Variants in TENM1 observed in about 807,000 individuals in gnomAD.
TENM1 encodes teneurin transmembrane protein 1, also known as teneurin-1.
A neutral mutation model predicts 174.8 loss-of-function variants in TENM1; 35 were observed. That is an observed-to-expected ratio of 0.20 (90% confidence interval 0.15 to 0.27). The LOEUF is 0.27. TENM1 is among the 10% of genes least tolerant of loss of function. The probability of loss-of-function intolerance (pLI) is 1.00; values close to 1 mark genes in which losing one functional copy is unlikely to be tolerated. For missense variants in TENM1, 1,633 were observed against 2,130.1 expected (o/e 0.77, Z 4.59); for synonymous variants, 781 against 798.7 (o/e 0.98, Z 0.37).
chrX:125,115,293 G>A, the TENM1 span, among the ~76,000 whole-genome samples: 2 of 111,420 alleles, frequency 1.8e-5, no homozygotes, highest in Non-Finnish European at 3.8e-5. Flanking sequence ...CATGTTGAAT[G>A]GCCAAGCTGG....
the TENM1 span, among the ~76,000 whole-genome samples, chrX:125,184,668 A>T: frequency 1.8e-5 from 2 of 111,819 alleles, no homozygotes; most frequent in Non-Finnish European, 3.8e-5. Flanking sequence ...TCTTTTTTAC[A>T]TACTCTTAAA....
intron 3 of TENM1, among the ~76,000 whole-genome samples, chrX:124,869,429 C>T (rs2057067933): frequency 9.0e-6 from 1 of 111,090 alleles, no homozygotes; most frequent in Admixed American, 9.6e-5. Context: ...CCATATGATC[C>T]AGCAATCCCA....
chrX:124,608,254 T>C (rs1200017947), intron 11 of TENM1, among the ~76,000 whole-genome samples: 2 of 111,462 alleles, frequency 1.8e-5, no homozygotes, highest in East Asian at 5.6e-4. Flanking sequence ...GCAGTCTTCC[T>C]AATGCGTGGG....
the TENM1 span, among the ~76,000 whole-genome samples, chrX:124,986,756 C>T: frequency 1.8e-5 from 2 of 111,180 alleles, no homozygotes; most frequent in African/African-American, 6.6e-5. Flanking sequence ...ATTCTCCTGC[C>T]TCAGCCTCCT....
intron 10 of TENM1, among the ~76,000 whole-genome samples, chrX:124,643,797 C>T (rs1244404566): frequency 9.1e-6 from 1 of 109,769 alleles, no homozygotes; most frequent in East Asian, 2.8e-4. Flanking sequence ...TAAGTGAACT[C>T]TTTTCTAAAC....
intron 11 of TENM1, among the ~76,000 whole-genome samples, chrX:124,585,056 A>C (rs1253391619): frequency 2.7e-5 from 3 of 110,042 alleles, no homozygotes; most frequent in Non-Finnish European, 5.7e-5. Flanking sequence ...GTGACCTACA[A>C]AGAGACTTAG....
chrX:124,577,123 G>A (rs921862399), intron 11 of TENM1, among the ~76,000 whole-genome samples: 2 of 111,794 alleles, frequency 1.8e-5, no homozygotes, highest in African/African-American at 6.5e-5. Flanking sequence ...CTATTGCTAA[G>A]GGCTCACCAT....
intron 3 of TENM1, among the ~76,000 whole-genome samples, chrX:124,771,115 A>C (rs889598997): frequency 1.6e-4 from 18 of 112,536 alleles, no homozygotes; most frequent in Non-Finnish European, 2.8e-4. Context: ...TTCTAGTTCT[A>C]AAGCCTGTTG....
chrX:125,081,247 T>C, the TENM1 span, among the ~76,000 whole-genome samples: 1 of 111,396 alleles, frequency 9.0e-6, no homozygotes, highest in Non-Finnish European at 1.9e-5. Flanking sequence ...TCTATCTGCA[T>C]TCATTTGCTA....
chrX:125,199,932 C>T, the TENM1 span, among the ~76,000 whole-genome samples: 1 of 111,486 alleles, frequency 9.0e-6, no homozygotes, highest in Non-Finnish European at 1.9e-5. Flanking sequence ...TTTTGCTGGT[C>T]TTGCTAAATT....
intron 14 of TENM1, among the ~76,000 whole-genome samples, chrX:124,553,000 A>G (rs1339310600): frequency 9.0e-6 from 1 of 111,150 alleles, no homozygotes; most frequent in Non-Finnish European, 1.9e-5. Context: ...TTTTGTGGGT[A>G]CATAGTAGGT....
At chrX:124,582,513 C>T (rs1296578918) in intron 11 of TENM1, among the ~76,000 whole-genome samples, 1 of 111,814 alleles carries the variant, frequency 8.9e-6, no homozygotes, top group East Asian at 2.8e-4. Context: ...GGATTGTATT[C>T]TTGATTTGGC....
upstream of TENM1, among the ~76,000 whole-genome samples, chrX:124,967,537 A>G (rs753915632): frequency 9.0e-6 from 1 of 111,173 alleles, no homozygotes; most frequent in African/African-American, 3.3e-5. Flanking sequence ...ACCTATTTCA[A>G]CTGTAAAGTG....
the TENM1 span, among the ~76,000 whole-genome samples, chrX:125,013,655 A>T: frequency 2.7e-3 from 297 of 111,972 alleles, 1 homozygote; most frequent in African/African-American, 9.2e-3. Context: ...GACAAATGAT[A>T]GTTCGCATTT....
the TENM1 span, among the ~76,000 whole-genome samples, chrX:125,015,224 T>C: frequency 5.4e-5 from 6 of 111,173 alleles, no homozygotes; most frequent in Non-Finnish European, 9.4e-5. Flanking sequence ...TAAGTCCCAT[T>C]TGTGACCTAT....
chrX:125,040,019 A>G, the TENM1 span, among the ~76,000 whole-genome samples: 3 of 111,883 alleles, frequency 2.7e-5, no homozygotes, highest in Non-Finnish European at 5.7e-5. Context: ...ACTGTGCATT[A>G]TAATTCTGTC....
rs190410376 is a variant in TENM1, at chrX:124,610,448, A to G, written c.2077+31343T>C. On this transcript the variant is annotated intron_variant, in intron 11 of 31. Transcript: ENST00000422452. ...TTTTTCAGTAAATAAGTGTCATAATACAGAAAAGCTATGAATTCTACCTTA... is the reference window on the plus strand; with the variant it reads ...TTTTTCAGTAAATAAGTGTCATAATGCAGAAAAGCTATGAATTCTACCTTA... 5.3e-5 allele frequency among the ~76,000 whole-genome samples: 6 copies of G among 112,292 alleles called. No homozygotes were observed. The East Asian group carries it at 1.1e-3, about 21-fold the overall frequency.
the TENM1 span, among the ~76,000 whole-genome samples, chrX:125,104,916 G>A: frequency 9.0e-6 from 1 of 111,670 alleles, no homozygotes; most frequent in Non-Finnish European, 1.9e-5. Context: ...CAAAGATGCT[G>A]TATTATGCAT....
At chrX:124,789,764 T>C (rs1451869857) in intron 3 of TENM1, among the ~76,000 whole-genome samples, 2 of 111,950 alleles carry the variant, frequency 1.8e-5, no homozygotes, top group Non-Finnish European at 3.8e-5. Context: ...AACAAGTCTC[T>C]AGGGAGTTCC....
Sources: gnomAD v4.1 joint callset for allele counts (sites outside exome capture counted in the v4.1 genomes callset) on GRCh38, gnomAD v4.1.1 for gene constraint, MANE v1.5 for transcripts, NCBI Gene and HGNC (gene_info 2026-07-23, HGNC 2026-07-21) for gene names.